The following TNIP1 variants were observed in gnomAD, a reference collection of about 807,000 sequenced individuals.
TNIP1 encodes the protein TNFAIP3-interacting protein 1.
Under a neutral mutation model 86.6 loss-of-function variants are expected in TNIP1, and 22 were observed. The ratio of observed to expected loss-of-function variants is 0.25; its 90% CI spans 0.18 to 0.36. TNIP1 has a LOEUF of 0.36. Among genes scored for constraint, TNIP1 ranks in the 10% least tolerant of loss-of-function variants. The pLI, the probability that TNIP1 is intolerant of heterozygous loss-of-function variation, is 1.00. For missense variants in TNIP1, 709 were observed against 820.6 expected (o/e 0.86, Z 1.66); for synonymous variants, 294 against 313.0 (o/e 0.94, Z 0.64).
chr5:151,031,416 G>A (rs1756871077), intron 17 of TNIP1, among the ~76,000 whole-genome samples: 1 of 152,188 alleles, frequency 6.6e-6, no homozygotes, highest in Non-Finnish European at 1.5e-5. Context: ...AGGCGAGGTG[G>A]TGCCTTGTGC....
At chr5:151,076,121 G>C (rs1763364013) in intron 1 of TNIP1, among the ~76,000 whole-genome samples, 5 of 152,204 alleles carry the variant, frequency 3.3e-5, no homozygotes, top group Admixed American at 3.3e-4. Context: ...ATTCCAATCT[G>C]AAGAGTGACT....
At chr5:151,070,007 C>T (rs542531394) in intron 1 of TNIP1, among the ~76,000 whole-genome samples, 9 of 152,270 alleles carry the variant, frequency 5.9e-5, no homozygotes, top group South Asian at 2.1e-4. Context: ...GCCAACCTTG[C>T]GAACACGAGG....
chr5:151,067,846 G>A (rs571920383), intron 1 of TNIP1, among the ~76,000 whole-genome samples: 3 of 152,274 alleles, frequency 2.0e-5, no homozygotes, highest in Admixed American at 6.5e-5. Flanking sequence ...CTGACCAGAC[G>A]CACTTGGACG....
At chr5:151,038,390 A>C (rs1405644042) in intron 12 of TNIP1, among the ~76,000 whole-genome samples, 2 of 152,000 alleles carry the variant, frequency 1.3e-5, no homozygotes, top group East Asian at 3.9e-4. Context: ...CATCTTTGAA[A>C]TGTGCTGGAA....
intron 1 of TNIP1, among the ~76,000 whole-genome samples, chr5:151,065,983 T>C (rs1762175029): frequency 6.6e-6 from 1 of 152,334 alleles, no homozygotes; most frequent in African/African-American, 2.4e-5. Context: ...TGTGGCTTAG[T>C]AGAGAAGCTC....
chr5:151,075,983 G>A (rs1763346139), intron 1 of TNIP1, among the ~76,000 whole-genome samples: 1 of 152,148 alleles, frequency 6.6e-6, no homozygotes, highest in Non-Finnish European at 1.5e-5. Context: ...CACTGTGTAG[G>A]TGCTCAAGGA....
intron 3 of TNIP1, among the ~76,000 whole-genome samples, chr5:151,063,385 C>A: frequency 6.6e-6 from 1 of 152,176 alleles, no homozygotes; most frequent in Admixed American, 6.5e-5. Context: ...TCTGCTGGGG[C>A]CTCAGGAGTG....
Position 151,039,221 on chromosome 5 carries a change from T to C in TNIP1, c.1139A>G (p.Asp380Gly), listed in dbSNP as rs1758099922. ...GGCCTCTGCTGTCAGCTGCTCCTTG[T>C]CGGTCTGCAGGGAATACAAGGTTGG... ...AKSKIEMEET[D>G]KEQLTAEAKE... The change falls in exon 12 of 18, where the codon GAC becomes GGC. Residue 380 changes from aspartate (D) to glycine (G), a missense_variant. Coordinates refer to ENST00000521591, the MANE Select transcript of TNIP1 (RefSeq NM_006058.5). 5.6e-6 allele frequency: 9 copies of C among 1,612,192 alleles called. No homozygotes were observed. The East Asian group carries it at 1.8e-4, about 32-fold the overall frequency.
Position 151,033,594 on chromosome 5 carries a change from G to A in TNIP1, c.1779+14C>T. The A allele has an allele frequency of 1.4e-6, 2 of 1,403,062 alleles. No homozygotes were observed. Among genetic ancestry groups the A allele is most frequent in the South Asian group, 1.8e-5 (1 of 56,608 alleles). The allele number at this position is 1,403,062 out of a possible 1,614,324, so 86.9% of individuals were successfully genotyped here. A position where few individuals can be genotyped will look rare whatever the true frequency, so the allele number is the denominator to read the frequency against. On this transcript the variant is annotated intron_variant, in intron 16 of 17. Coordinates refer to ENST00000521591, the MANE Select transcript of TNIP1 (RefSeq NM_006058.5). ...CTGTGTGTGCCCTGGAGCAAGGGAG[G>A]GACACAGACTCACCAGATGGAAGAG... is the stretch of plus-strand genomic sequence containing the variant.
chr5:151,072,624 G>A (rs1374061933), intron 1 of TNIP1, among the ~76,000 whole-genome samples: 1 of 152,152 alleles, frequency 6.6e-6, no homozygotes, highest in Admixed American at 6.5e-5. Flanking sequence ...GAGGACATTT[G>A]GAACCTGCAG....
Position 151,062,162 on chromosome 5 carries a change from C to T in TNIP1, c.322G>A (p.Asp108Asn). Residue 108 changes from aspartate to asparagine, a missense_variant, in exon 4 of 18, where the codon GAC becomes AAC. Transcript: ENST00000521591. ...GGCTTCTGGACTGGTGCTGGCTTGTCACTGGGGCATGCAGGGGCTGTGGGA... is the reference window on the plus strand; with the variant it reads ...GGCTTCTGGACTGGTGCTGGCTTGTTACTGGGGCATGCAGGGGCTGTGGGA... Reference protein sequence around the residue: ...ASPTAPACPSDKPAPVQKPPS... With the variant: ...ASPTAPACPSNKPAPVQKPPS... The T allele has an allele frequency of 6.2e-7, 1 of 1,614,164 alleles. No homozygotes were observed. The highest frequency in any genetic ancestry group is 8.5e-7 in the Non-Finnish European group (1 of 1,180,020).
In TNIP1 at chr5:151,030,430, G is replaced by T. The variant is rs1173668036; in HGVS notation, c.*283C>A. 2 of 544,694 alleles carry T rather than the reference G, an allele frequency of 3.7e-6. No homozygotes were observed. The highest frequency in any genetic ancestry group is 3.2e-5 in the East Asian group (1 of 31,326). 33.7% of individuals were successfully genotyped at this position (544,694 alleles called of 1,614,324 possible). ...GCTGCTCCTGGAGGCTTCTGCAACG[G>T]ATGGTGGGTCAAAGCCGGATGAGGC... On this transcript the variant is annotated 3_prime_UTR_variant, in exon 18 of 18. Coordinates refer to ENST00000521591, the MANE Select transcript of TNIP1 (RefSeq NM_006058.5).
chr5:151,032,684 G>A (rs927984856), intron 16 of TNIP1: 9 of 354,888 alleles, frequency 2.5e-5, no homozygotes, highest in Non-Finnish European at 1.0e-5. Flanking sequence ...GTACCAAGAA[G>A]GGTCATATGG....
At chr5:151,036,304 G>A (rs1003142396) in intron 13 of TNIP1, among the ~76,000 whole-genome samples, 3 of 152,148 alleles carry the variant, frequency 2.0e-5, no homozygotes, top group African/African-American at 7.2e-5. Context: ...GGGCTAGTAG[G>A]TCTTTAATAC....
Position 151,049,960 on chromosome 5 carries a change from T to G in TNIP1, c.723-13A>C. ...CAAATTTTCCTCCCTGGGATGGAGG[T>G]AAACAGAGAAATCACAATGCTGACC... is the stretch of plus-strand genomic sequence containing the variant. On this transcript the variant is annotated splice_polypyrimidine_tract_variant and intron_variant, in intron 7 of 17. Transcript: ENST00000521591. The G allele has an allele frequency of 1.2e-6, 2 of 1,613,898 alleles. No individual in the cohort carries two copies. The highest frequency in any genetic ancestry group is 1.7e-6 in the Non-Finnish European group (2 of 1,179,934).
chr5:151,044,786 A>AAG (rs1758920945), intron 9 of TNIP1, among the ~76,000 whole-genome samples: 1 of 152,056 alleles, frequency 6.6e-6, no homozygotes, highest in African/African-American at 2.4e-5. Flanking sequence ...GAGGGGGAGG[A>AAG]ACACATGTGA....
intron 8 of TNIP1, among the ~76,000 whole-genome samples, chr5:151,048,980 C>A (rs917788195): frequency 1.3e-5 from 2 of 152,182 alleles, no homozygotes; most frequent in Non-Finnish European, 2.9e-5. Context: ...ATACTAGTCC[C>A]AGCCTTGCCT....
In TNIP1 at chr5:151,051,570, C is replaced by A. The variant is rs559316423; in HGVS notation, c.722+595G>T. Among the ~76,000 whole-genome samples the A allele has an allele frequency of 3.5e-4, 54 of 152,350 alleles. 2 individuals carry two copies. In the South Asian group the frequency reaches 9.1e-3, roughly 26 times the overall value. On this transcript the variant is annotated intron_variant, in intron 7 of 17. Transcript: ENST00000521591. ...GCATGATCTCCAAGGGCTTGTCAAG[C>A]TCTGACAGTCAAGATCAGTGTTTCC...
At chr5:151,077,167 G>A (rs1763483940) in intron 1 of TNIP1, among the ~76,000 whole-genome samples, 1 of 152,228 alleles carries the variant, frequency 6.6e-6, no homozygotes, top group African/African-American at 2.4e-5. Flanking sequence ...ATGAGTGATT[G>A]AAATAGAGAG....
Sources: allele counts gnomAD v4.1 joint callset (sites outside exome capture counted in the v4.1 genomes callset), GRCh38; gene constraint gnomAD v4.1.1; transcripts MANE v1.5; gene names NCBI Gene and HGNC (gene_info 2026-07-23, HGNC 2026-07-21).